RBM27: variants seen among roughly 807,000 people sequenced by gnomAD.
RBM27 encodes the protein RNA binding motif protein 27.
RBM27 carries 22 observed loss-of-function variants against 135.3 expected under a neutral mutation model. The ratio of observed to expected loss-of-function variants is 0.16; its 90% CI spans 0.12 to 0.23. The LOEUF (loss-of-function observed/expected upper bound fraction) is 0.23, where lower values mean the gene tolerates loss of function less well. RBM27 is among the 10% of genes least tolerant of loss of function. RBM27 has a pLI of 1.00. For missense variants in RBM27, 1,009 were observed against 1,281.0 expected (o/e 0.79, Z 3.24); for synonymous variants, 481 against 442.4 (o/e 1.09, Z -1.10).
intron 7 of RBM27, among the ~76,000 whole-genome samples, chr5:146,235,175 T>C (rs1429020371): frequency 1.3e-5 from 2 of 152,292 alleles, no homozygotes; most frequent in South Asian, 2.1e-4. Flanking sequence ...AATTACAGAC[T>C]CAGTTATAGA....
rs1264120748 is a variant in RBM27 at position 146,251,725 on chromosome 5, T to C, written c.1294T>C (p.Ser432Pro). Residue 432 changes from serine (S) to proline (P), a missense_variant, in exon 9 of 21, where the codon TCT (serine) becomes CCT (proline). Coordinates refer to ENST00000265271, the MANE Select transcript of RBM27 (RefSeq NM_018989.2). ...TTCCTCTATAGGACAGCCCATGTAC[T>C]CTCGTGAACATGGTGCTGCTGCATC... ...YTVSERQPMY[S>P]REHGAAASER... 8 of 1,610,654 alleles carry C rather than the reference T, an allele frequency of 5.0e-6. No individual in the cohort carries two copies. Among genetic ancestry groups the C allele is most frequent in the East Asian group, 2.2e-5 (1 of 44,872 alleles).
intron 2 of RBM27, among the ~76,000 whole-genome samples, chr5:146,222,230 A>T (rs985985060): frequency 1.3e-5 from 2 of 152,254 alleles, no homozygotes; most frequent in African/African-American, 4.8e-5. Context: ...AAAGAAATTT[A>T]TAAGAAGATG....
At chr5:146,253,234 G>T (rs550652498) in intron 9 of RBM27, among the ~76,000 whole-genome samples, 1 of 152,100 alleles carries the variant, frequency 6.6e-6, no homozygotes, top group Non-Finnish European at 1.5e-5. Flanking sequence ...CTGACCTCGT[G>T]ATCTGCCCAC....
chr5:146,210,573 G>A (rs1755888909), intron 1 of RBM27, among the ~76,000 whole-genome samples: 1 of 152,126 alleles, frequency 6.6e-6, no homozygotes, highest in Non-Finnish European at 1.5e-5. Context: ...TACCATCTGT[G>A]AAGAATGGGC....
intron 20 of RBM27, 84 bp downstream of exon 20, chr5:146,284,816 A>G (rs1262432188): frequency 1.2e-6 from 1 of 842,236 alleles, no homozygotes; most frequent in Admixed American, 2.9e-5. Flanking sequence ...GTATAAATTA[A>G]AAAATGCTGG....
At chr5:146,219,262 TG>T (rs1662210351) in intron 2 of RBM27, among the ~76,000 whole-genome samples, 159 bp downstream of exon 2, 1 of 152,256 alleles carries the variant, frequency 6.6e-6, no homozygotes, top group African/African-American at 2.4e-5. Flanking sequence ...TATCATGTTT[TG>T]TTAGAACTGG....
At chr5:146,227,693 A>G (rs75108945) in intron 3 of RBM27, among the ~76,000 whole-genome samples, 1,816 of 152,314 alleles carry the variant, frequency 0.012, 22 homozygotes, top group Non-Finnish European at 0.019. Flanking sequence ...GAGCTGAGAT[A>G]GCGCCACTGC....
chr5:146,221,881 CTT>C (rs1756476567), intron 2 of RBM27, among the ~76,000 whole-genome samples: 1 of 142,806 alleles, frequency 7.0e-6, no homozygotes, highest in South Asian at 2.2e-4. Flanking sequence ...TGAACATACT[CTT>C]TTATAATAAC....
chr5:146,256,655 C>T (rs928166730), intron 10 of RBM27, among the ~76,000 whole-genome samples: 1 of 152,026 alleles, frequency 6.6e-6, no homozygotes, highest in East Asian at 1.9e-4. Flanking sequence ...CACCCAGCCT[C>T]ATATATATTA....
chr5:146,279,491 A>G (rs1759238581), intron 19 of RBM27, among the ~76,000 whole-genome samples: 2 of 151,568 alleles, frequency 1.3e-5, no homozygotes, highest in Admixed American at 1.3e-4. Flanking sequence ...AAAAATAAAA[A>G]TATAATGTAT....
rs1433210785 is a variant in RBM27, at chr5:146,242,109, T to TA, written c.1279+4687dup. Among the ~76,000 whole-genome samples, 328 of 150,080 alleles carry TA rather than the reference T, an allele frequency of 2.2e-3. 3 individuals are homozygous for TA. Among genetic ancestry groups the TA allele is most frequent in the African/African-American group, 7.3e-3 (298 of 41,042 alleles). On this transcript the variant is annotated intron_variant, in intron 8 of 20. Transcript: ENST00000265271. ...ACGGCCTCAAGGACAATCTTTTAAT[T>TA]AAAAAAAAAATCTTTTGTATGTAGA...
chr5:146,234,272 T>C (rs1322804036), intron 7 of RBM27, among the ~76,000 whole-genome samples: 1 of 152,178 alleles, frequency 6.6e-6, no homozygotes, highest in Non-Finnish European at 1.5e-5. Context: ...GAAATAATAT[T>C]AAAAAAATTT....
chr5:146,253,978 A>G (rs1034600581), intron 9 of RBM27, among the ~76,000 whole-genome samples: 2 of 152,184 alleles, frequency 1.3e-5, no homozygotes, highest in African/African-American at 4.8e-5. Flanking sequence ...TTTTATTTGA[A>G]ATATGGTTTA....
At chr5:146,257,441 A>G (rs1424173113) in intron 10 of RBM27, among the ~76,000 whole-genome samples, 4 of 152,246 alleles carry the variant, frequency 2.6e-5, no homozygotes, top group Non-Finnish European at 2.9e-5. Context: ...AAAGAAACAC[A>G]GTGAACATTT....
rs1035393361 is a variant in RBM27, at chr5:146,287,066, G to A, written c.*1036G>A. 2 of 121,980 alleles carry A rather than the reference G, an allele frequency of 1.6e-5. No individual in the cohort carries two copies. Among genetic ancestry groups the A allele is most frequent in the Non-Finnish European group, 3.2e-5 (2 of 62,094 alleles). The allele number at this position is 121,980 out of a possible 1,614,324, so 7.6% of individuals were successfully genotyped here. On this transcript the variant is annotated 3_prime_UTR_variant, in exon 21 of 21. Transcript: ENST00000265271. ...CAGTTCAGTATAGTTACACAGAAGG[G>A]TTTAAAAATGTCTGAAATTCTTTTC...
intron 1 of RBM27, among the ~76,000 whole-genome samples, chr5:146,205,145 G>T (rs1755573393): frequency 6.6e-6 from 1 of 152,202 alleles, no homozygotes; most frequent in Non-Finnish European, 1.5e-5. Flanking sequence ...TGATCCGCTC[G>T]CCTTGGCCTC....
chr5:146,263,926 G>A (rs781578769), intron 14 of RBM27, among the ~76,000 whole-genome samples: 4 of 151,816 alleles, frequency 2.6e-5, no homozygotes, highest in East Asian at 2.0e-4. Flanking sequence ...CCAAAATGGC[G>A]AAACCCCCTC....
intron 8 of RBM27, among the ~76,000 whole-genome samples, chr5:146,238,522 A>G (rs1757265433): frequency 6.6e-6 from 1 of 152,192 alleles, no homozygotes; most frequent in African/African-American, 2.4e-5. Context: ...AACAAAAAAC[A>G]AAATGATTTT....
chr5:146,224,086 C>T (rs1756567605), intron 3 of RBM27, among the ~76,000 whole-genome samples: 1 of 152,054 alleles, frequency 6.6e-6, no homozygotes, highest in Admixed American at 6.6e-5. Context: ...CTGTTATATA[C>T]AGACAATATA....
Sources: allele counts gnomAD v4.1 joint callset (sites outside exome capture counted in the v4.1 genomes callset), GRCh38; gene constraint gnomAD v4.1.1; transcripts MANE v1.5; gene names NCBI Gene and HGNC (gene_info 2026-07-23, HGNC 2026-07-21).